Variants in NXN observed in about 807,000 individuals in gnomAD.
The protein encoded by NXN is nucleoredoxin, also known as nucleoredoxin 1.
Under a neutral mutation model 48.6 loss-of-function variants are expected in NXN, and 16 were observed. The observed-to-expected ratio is 0.33, with a 90% CI of 0.22 to 0.50. The LOEUF (loss-of-function observed/expected upper bound fraction) is 0.50, where lower values mean the gene tolerates loss of function less well. NXN is among the 20% of genes least tolerant of loss of function. The probability of loss-of-function intolerance (pLI) is 0.98; values close to 1 mark genes in which losing one functional copy is unlikely to be tolerated. For synonymous variants in NXN, 281 were observed against 269.6 expected, an observed-to-expected ratio of 1.04 and a Z score of -0.41; for missense variants, 492 against 605.5, an observed-to-expected ratio of 0.81 and a Z score of 1.97.
At chr17:940,746 C>A (rs1357258749) in intron 1 of NXN, among the ~76,000 whole-genome samples, 1 of 150,672 alleles carries the variant, frequency 6.6e-6, no homozygotes, top group East Asian at 1.9e-4. Flanking sequence ...AACAAGATTC[C>A]AGGGCGCAGC....
At chr17:871,558 C>T (rs1448131315) in intron 1 of NXN, among the ~76,000 whole-genome samples, 1 of 151,826 alleles carries the variant, frequency 6.6e-6, no homozygotes, top group Non-Finnish European at 1.5e-5. Flanking sequence ...GTACGTGCCA[C>T]CATGCCCAGC....
chr17:875,958 C>A (rs564211154), intron 1 of NXN, among the ~76,000 whole-genome samples: 6 of 152,044 alleles, frequency 3.9e-5, no homozygotes, highest in Middle Eastern at 3.4e-3. Context: ...CCAAGGTGGG[C>A]GGGTCATGAG....
chr17:967,001 C>T (rs1009100533), intron 1 of NXN, among the ~76,000 whole-genome samples: 2 of 152,124 alleles, frequency 1.3e-5, no homozygotes, highest in African/African-American at 2.4e-5. Flanking sequence ...AATGGACTTC[C>T]TCAGGAGATG....
intron 1 of NXN, among the ~76,000 whole-genome samples, chr17:836,270 GC>G (rs939847113): frequency 9.9e-5 from 15 of 152,184 alleles, no homozygotes; most frequent in African/African-American, 3.6e-4. Context: ...TGACTGGGGA[GC>G]CTCAGCTTTT....
chr17:971,244 C>G (rs369523006), intron 1 of NXN, among the ~76,000 whole-genome samples: 1 of 151,686 alleles, frequency 6.6e-6, no homozygotes, highest in South Asian at 2.1e-4. Flanking sequence ...CCGCGCGTGG[C>G]CGAGTCTCTT....
chr17:837,124 C>T (rs899261658), intron 1 of NXN, among the ~76,000 whole-genome samples: 1 of 152,148 alleles, frequency 6.6e-6, no homozygotes, highest in Admixed American at 6.5e-5. Flanking sequence ...ACTACGGTCG[C>T]ACACCACCAT....
At chr17:855,307 TAAC>T (rs1352841093) in intron 1 of NXN, among the ~76,000 whole-genome samples, 2 of 152,086 alleles carry the variant, frequency 1.3e-5, no homozygotes, top group Admixed American at 1.3e-4. Flanking sequence ...TCTCATATAC[TAAC>T]AAAGAATAAG....
chr17:860,268 C>T (rs1797558820), intron 1 of NXN, among the ~76,000 whole-genome samples: 2 of 152,268 alleles, frequency 1.3e-5, no homozygotes, highest in African/African-American at 2.4e-5. Flanking sequence ...GGATGACAGG[C>T]GTGTGCCGCC....
chr17:963,317 T>A (rs967347670), intron 1 of NXN, among the ~76,000 whole-genome samples: 4 of 151,958 alleles, frequency 2.6e-5, no homozygotes, highest in Admixed American at 6.6e-5. Context: ...AAATGCTATA[T>A]CCGGGCTAGG....
At chr17:945,892 C>A (rs1359540006) in intron 1 of NXN, among the ~76,000 whole-genome samples, 1 of 120,716 alleles carries the variant, frequency 8.3e-6, no homozygotes, top group East Asian at 3.8e-4. Flanking sequence ...TAGGGTTAGG[C>A]CAGCAAACCA....
At chr17:883,826 C>A (rs1052660007) in intron 1 of NXN, among the ~76,000 whole-genome samples, 28 of 152,164 alleles carry the variant, frequency 1.8e-4, no homozygotes, top group Admixed American at 3.9e-4. Context: ...TAATCCCAAT[C>A]AGCGTGGGAG....
intron 1 of NXN, among the ~76,000 whole-genome samples, chr17:885,672 C>CTT (rs532225883): frequency 0.026 from 2,157 of 83,552 alleles, 346 homozygotes; most frequent in African/African-American, 0.064. Context: ...GCGGTACTCG[C>CTT]TTTTTTTTTT....
At chr17:867,434 A>G (rs979404390) in intron 1 of NXN, among the ~76,000 whole-genome samples, 1 of 152,336 alleles carries the variant, frequency 6.6e-6, no homozygotes, top group Non-Finnish European at 1.5e-5. Context: ...GTCCCTTAAG[A>G]TTATGCTCAG....
At chr17:910,072 T>A (rs1031241074) in intron 1 of NXN, 1 of 152,176 alleles carries the variant, frequency 6.6e-6, no homozygotes, top group African/African-American at 2.4e-5. Context: ...CAGTTCTAGG[T>A]TGAAGCAACA....
chr17:846,746 A>C (rs1224354542), intron 1 of NXN, among the ~76,000 whole-genome samples: 1 of 152,054 alleles, frequency 6.6e-6, no homozygotes, highest in Non-Finnish European at 1.5e-5. Flanking sequence ...TGAGCCAGAA[A>C]GTTAGTCTTT....
At position 860,576 on chromosome 17, in the gene NXN, T is replaced by C. The variant is rs573404998; in HGVS notation, c.361-34498A>G. On this transcript the variant is annotated intron_variant, in intron 1 of 7. Coordinates refer to ENST00000336868, the MANE Select transcript of NXN (RefSeq NM_022463.5). ...GCCCGGCTAATTTTTGTATTTTCCA[T>C]AGAGACAGGGTTTCGCCATCCTGGC... 7.3e-5 allele frequency among the ~76,000 whole-genome samples: 10 copies of C among 136,090 alleles called. No individual in the cohort carries two copies. The South Asian group carries it at 1.9e-3, about 26-fold the overall frequency. The allele number at this position is 136,090 out of a possible 152,430, so 89.3% of individuals were successfully genotyped here.
In NXN at chr17:917,088, C is replaced by T. The variant is rs571516617; in HGVS notation, c.360+62231G>A. Among the ~76,000 whole-genome samples, 7 of 152,134 alleles carry T rather than the reference C, an allele frequency of 4.6e-5. No individual in the cohort carries two copies. Among genetic ancestry groups the T allele is most frequent in the Non-Finnish European group, 1.0e-4 (7 of 68,036 alleles). On this transcript the variant is annotated intron_variant, in intron 1 of 7. Coordinates refer to ENST00000336868, the MANE Select transcript of NXN (RefSeq NM_022463.5). The surrounding 1 kb of genome is among the most constrained non-coding windows in gnomAD (Gnocchi z 4.5). ...ATGCTGAAGCTACAAATCAAACATCCGCTTTGCCTCCAACAAGATTCCCTG... is the reference window on the plus strand; with the variant it reads ...ATGCTGAAGCTACAAATCAAACATCTGCTTTGCCTCCAACAAGATTCCCTG...
intron 1 of NXN, among the ~76,000 whole-genome samples, chr17:976,843 C>T (rs180933734): frequency 4.0e-5 from 6 of 151,862 alleles, no homozygotes; most frequent in Admixed American, 2.6e-4. Flanking sequence ...CTCGGCTCAC[C>T]GCAACCTCCG....
Position 979,573 on chromosome 17 carries a change from G to A in NXN, c.106C>T (p.Leu36Phe). The change falls in exon 1 of 8, where the codon CTC becomes TTC. Residue 36 changes from leucine (L) to phenylalanine (F), a missense_variant. By Grantham distance (22) the Leu-to-Phe change is conservative. Around this residue, in one of 3 missense-constraint regions of NXN, gnomAD observed 186 missense variants for 199.1 expected, o/e 0.93. Coordinates refer to ENST00000336868, the MANE Select transcript of NXN (RefSeq NM_022463.5). ...LGARGISLLG[L>F]YFGCSLSAPC... ...GCGCTGAGGCTGCAGCCGAAGTAGA[G>A]ACCCAGCAGCGAGATGCCGCGGGCG... 1.4e-6 allele frequency: 2 copies of A among 1,422,426 alleles called. No individual in the cohort carries two copies. Among genetic ancestry groups the A allele is most frequent in the Non-Finnish European group, 1.8e-6 (2 of 1,085,742 alleles). The allele number at this position is 1,422,426 out of a possible 1,614,324, so 88.1% of individuals were successfully genotyped here. A position where few individuals can be genotyped will look rare whatever the true frequency, so the allele number is the denominator to read the frequency against.
Sources: allele counts gnomAD v4.1 joint callset (sites outside exome capture counted in the v4.1 genomes callset), GRCh38; gene constraint gnomAD v4.1.1; regional missense constraint gnomAD v4.1.1; non-coding constraint Gnocchi (gnomAD v3.1); transcripts MANE v1.5; gene names NCBI Gene and HGNC (gene_info 2026-07-23, HGNC 2026-07-21).